TUT4: variants seen among roughly 807,000 people sequenced by gnomAD.
TUT4 encodes the protein terminal uridylyl transferase 4.
A neutral mutation model predicts 192.2 loss-of-function variants in TUT4; 36 were observed. That is an observed-to-expected ratio of 0.19 (90% CI 0.14 to 0.25). The LOEUF (loss-of-function observed/expected upper bound fraction) is 0.25. Among genes scored for constraint, TUT4 ranks in the 10% least tolerant of loss-of-function variants. TUT4 has a pLI of 1.00. For synonymous variants in TUT4, 618 were observed against 666.0 expected (o/e 0.93, Z 1.11); for missense variants, 1,493 against 1,957.2 (o/e 0.76, Z 4.47).
At chr1:52,460,825 T>G (rs1662351253) in intron 19 of TUT4, 1 of 195,242 alleles carries the variant, frequency 5.1e-6, no homozygotes, top group African/African-American at 2.3e-5. Context: ...TAAGATTTCT[T>G]AACTCAGAAA....
At chr1:52,518,930 T>C (rs566431700) in intron 2 of TUT4, among the ~76,000 whole-genome samples, 1 of 152,320 alleles carries the variant, frequency 6.6e-6, no homozygotes, top group East Asian at 1.9e-4. Flanking sequence ...TTGTATACTT[T>C]AAAATGGTTA....
chr1:52,464,892 A>G (rs1258139928), intron 16 of TUT4, 178 bp downstream of exon 16: 2 of 432,288 alleles, frequency 4.6e-6, no homozygotes, highest in South Asian at 1.5e-4. Flanking sequence ...CTTTTACTTA[A>G]GAGTTCAATG....
chr1:52,481,396 C>G, intron 11 of TUT4, 27 bp downstream of exon 11: 2 of 1,607,350 alleles, frequency 1.2e-6, no homozygotes, highest in Non-Finnish European at 1.7e-6. Flanking sequence ...GATAGAAAAG[C>G]CAAAAAACAA....
intron 28 of TUT4, among the ~76,000 whole-genome samples, chr1:52,429,985 CTA>C (rs1305726256): frequency 6.6e-6 from 1 of 150,970 alleles, no homozygotes; most frequent in African/African-American, 2.4e-5. Context: ...GGATGTAAAA[CTA>C]GATTTATAGC....
intron 24 of TUT4, among the ~76,000 whole-genome samples, chr1:52,443,740 G>A (rs967719718): frequency 5.3e-5 from 8 of 150,758 alleles, no homozygotes; most frequent in African/African-American, 2.0e-4. Context: ...TCCAGCCTGG[G>A]GACAAGAGCA....
At chr1:52,536,394 A>C (rs1477128898) in intron 1 of TUT4, among the ~76,000 whole-genome samples, 1 of 152,198 alleles carries the variant, frequency 6.6e-6, no homozygotes, top group Non-Finnish European at 1.5e-5. Flanking sequence ...ACAAAATCAA[A>C]ACAGGATTAT....
chr1:52,441,047 C>T (rs905699746), intron 24 of TUT4, among the ~76,000 whole-genome samples: 42 of 151,988 alleles, frequency 2.8e-4, no homozygotes, highest in Non-Finnish European at 1.5e-4. Flanking sequence ...ACTGAAAACG[C>T]TTTTCACAGA....
intron 4 of TUT4, among the ~76,000 whole-genome samples, chr1:52,498,412 T>A (rs910361704): frequency 6.6e-6 from 1 of 151,776 alleles, no homozygotes. Flanking sequence ...CCTGGCTAAT[T>A]TTTTTGTATT....
At position 52,526,195 on chromosome 1, in the gene TUT4, A is replaced by G; in HGVS notation, c.86T>C (p.Ile29Thr). ...ICEESKAVQVIGNQTLKARND... is the reference protein window; with the variant it reads ...ICEESKAVQVTGNQTLKARND... ...TCTAGCTTTCAATGTTTGATTACCTATAACTTGAACTGCTTTGCTTTCTTC... is the reference window on the plus strand; with the variant it reads ...TCTAGCTTTCAATGTTTGATTACCTGTAACTTGAACTGCTTTGCTTTCTTC... Residue 29 changes from isoleucine (I) to threonine (T), a missense_variant, in exon 2 of 30, where the codon ATA (isoleucine) becomes ACA (threonine). Around this residue, in one of 7 missense-constraint regions of TUT4, gnomAD observed 260 missense variants for 247.8 expected, o/e 1.05. Coordinates refer to ENST00000257177, the MANE Select transcript of TUT4 (RefSeq NM_001009881.3). 6.2e-7 allele frequency: 1 copy of G among 1,609,442 alleles called. No individual in the cohort carries two copies.
At chr1:52,549,762 A>T (rs1046005979) in intron 1 of TUT4, among the ~76,000 whole-genome samples, 4 of 152,136 alleles carry the variant, frequency 2.6e-5, no homozygotes, top group South Asian at 2.1e-4. Context: ...CCTCACCTAT[A>T]AACAGGTTTC....
chr1:52,515,626 T>C (rs1351862152), intron 3 of TUT4: 3 of 556,360 alleles, frequency 5.4e-6, no homozygotes, highest in South Asian at 2.8e-5. Flanking sequence ...TTTTAACCCA[T>C]TCAAAAACAA....
At chr1:52,449,675 C>T (rs1243459660) in intron 20 of TUT4, among the ~76,000 whole-genome samples, 1 of 152,158 alleles carries the variant, frequency 6.6e-6, no homozygotes, top group Admixed American at 6.6e-5. Flanking sequence ...GTCCTGCGGC[C>T]TAAGTATAGT....
chr1:52,550,366 G>A (rs1287957004), intron 1 of TUT4, among the ~76,000 whole-genome samples: 3 of 151,984 alleles, frequency 2.0e-5, no homozygotes, highest in East Asian at 3.9e-4. Context: ...TACTGCAGTG[G>A]CTTTAACTGA....
chr1:52,534,935 G>A (rs1461167191), intron 1 of TUT4: 3 of 152,122 alleles, frequency 2.0e-5, no homozygotes, highest in Admixed American at 2.0e-4. Context: ...TAGTTTCTGG[G>A]ACTAGCACTG....
intron 1 of TUT4, among the ~76,000 whole-genome samples, chr1:52,542,923 T>G (rs1451785684): frequency 6.6e-6 from 1 of 151,994 alleles, no homozygotes; most frequent in Non-Finnish European, 1.5e-5. Context: ...GCCCAGCTAA[T>G]TTTGTATTTT....
At position 52,516,071 on chromosome 1, in the gene TUT4, T is replaced by A; in HGVS notation, c.719-17A>T. The A allele has an allele frequency of 6.2e-7, 1 of 1,607,812 alleles. No individual in the cohort carries two copies. The highest frequency in any genetic ancestry group is 8.5e-7 in the Non-Finnish European group (1 of 1,175,422). ...TCATTTTACCTAGAAAAGAAAGCAA[T>A]CACTCAGTTATCATCAGAACTGGTA... On this transcript the variant is annotated splice_polypyrimidine_tract_variant and intron_variant, in intron 2 of 29. Transcript: ENST00000257177.
In TUT4 at chr1:52,478,578, T is replaced by G. The variant is rs946385381; in HGVS notation, c.1849-696A>C. On this transcript the variant is annotated intron_variant, in intron 11 of 29. Coordinates refer to ENST00000257177, the MANE Select transcript of TUT4 (RefSeq NM_001009881.3). ...CAAGACCACCTGGCCACTGGGTCCATGCGGTGAATCCCTATACTATACTGC... is the reference window on the plus strand; with the variant it reads ...CAAGACCACCTGGCCACTGGGTCCAGGCGGTGAATCCCTATACTATACTGC... Among the ~76,000 whole-genome samples, 3 of 152,230 alleles carry G rather than the reference T, an allele frequency of 2.0e-5. No homozygotes were observed. In the South Asian group the frequency reaches 6.2e-4, roughly 31 times the overall value.
At chr1:52,535,979 C>T (rs1292263842) in intron 1 of TUT4, among the ~76,000 whole-genome samples, 3 of 152,106 alleles carry the variant, frequency 2.0e-5, no homozygotes, top group African/African-American at 7.2e-5. Context: ...GTTCATTCTG[C>T]CGTACAAGTG....
At chr1:52,499,947 T>C (rs936202439) in intron 4 of TUT4, among the ~76,000 whole-genome samples, 7 of 150,758 alleles carry the variant, frequency 4.6e-5, no homozygotes, top group South Asian at 2.1e-4. Flanking sequence ...TACATATATA[T>C]ACACACACAC....
Sources: gnomAD v4.1 joint callset for allele counts (sites outside exome capture counted in the v4.1 genomes callset) on GRCh38, gnomAD v4.1.1 for gene constraint, gnomAD v4.1.1 regional missense constraint, MANE v1.5 for transcripts, NCBI Gene and HGNC (gene_info 2026-07-23, HGNC 2026-07-21) for gene names.